Variants in CLIP3 observed in about 807,000 individuals in gnomAD.
The protein encoded by CLIP3 is CAP-Gly domain-containing linker protein 3.
Under a neutral mutation model 59.4 loss-of-function variants are expected in CLIP3, and 15 were observed. The ratio of observed to expected loss-of-function variants is 0.25; its 90% CI spans 0.17 to 0.39. The LOEUF (loss-of-function observed/expected upper bound fraction) is 0.39. Among genes scored for constraint, CLIP3 ranks in the 10% least tolerant of loss-of-function variants. The pLI is 1.00. For synonymous variants in CLIP3, 300 were observed against 321.6 expected (o/e 0.93, Z 0.72); for missense variants, 495 against 765.7 (o/e 0.65, Z 4.17).
At position 36,016,473 on chromosome 19, in the gene CLIP3, G is replaced by A. The variant is rs188370835; in HGVS notation, c.1590-261C>T. ...AGCAATTCTCCTGTCTCAGCCTCCC[G>A]AGTAGCTGGGACTACAGGTGTATGC... On this transcript the variant is annotated intron_variant, in intron 13 of 13. Transcript: ENST00000360535. The surrounding 1 kb of genome is among the most constrained non-coding windows in gnomAD (Gnocchi z 4.1). Among the ~76,000 whole-genome samples, 179 of 152,262 alleles carry A rather than the reference G, an allele frequency of 1.2e-3. 1 individual carries two copies. Among genetic ancestry groups the A allele is most frequent in the Middle Eastern group, 6.8e-3 (2 of 294 alleles).
At chr19:36,019,854 C>T (rs1014299214) in intron 7 of CLIP3, among the ~76,000 whole-genome samples, 1 of 151,746 alleles carries the variant, frequency 6.6e-6, no homozygotes, top group African/African-American at 2.4e-5. Flanking sequence ...CCACCCGCCT[C>T]GGCCTCCCAA....
intron 8 of CLIP3, 41 bp from the exon 9 acceptor site, chr19:36,019,067 T>C: frequency 6.3e-7 from 1 of 1,587,538 alleles, no homozygotes; most frequent in Non-Finnish European, 8.6e-7. Flanking sequence ...TCCAAGCCTC[T>C]GCCCTCGGCC....
intron 7 of CLIP3, among the ~76,000 whole-genome samples, chr19:36,023,657 C>T (rs560009343): frequency 2.0e-5 from 3 of 152,068 alleles, no homozygotes; most frequent in South Asian, 2.1e-4. Context: ...CCTCCCACCT[C>T]GGCCTCCCAA....
In CLIP3 at chr19:36,015,919, A is replaced by C; in HGVS notation, c.*239T>G. On this transcript the variant is annotated 3_prime_UTR_variant, in exon 14 of 14. Coordinates refer to ENST00000360535, the MANE Select transcript of CLIP3 (RefSeq NM_015526.3). ...GAATCTGCTCTGAGGGGTTGGGGAT[A>C]GGGACTAGCCTGAAGGTGCTACTCA... 2 of 576,686 alleles carry C rather than the reference A, an allele frequency of 3.5e-6. No homozygotes were observed. Among genetic ancestry groups the C allele is most frequent in the Non-Finnish European group, 6.2e-6 (2 of 320,836 alleles). 35.7% of individuals were successfully genotyped at this position (576,686 alleles called of 1,614,324 possible).
rs183209495 is a variant in CLIP3 at position 36,015,983 on chromosome 19, G to A, written c.*175C>T. On this transcript the variant is annotated 3_prime_UTR_variant, in exon 14 of 14. Coordinates refer to ENST00000360535, the MANE Select transcript of CLIP3 (RefSeq NM_015526.3). ...TGGGTGACATGGGGTCTGTATTTGG[G>A]GGTTATTATGGGAGTATCTGTTAAT... 5.3e-4 allele frequency: 355 copies of A among 674,436 alleles called. No homozygotes were observed. Among genetic ancestry groups the A allele is most frequent in the Non-Finnish European group, 7.4e-4 (278 of 375,014 alleles). 41.8% of individuals were successfully genotyped at this position (674,436 alleles called of 1,614,324 possible).
rs776116386 is a variant in CLIP3, at chr19:36,027,132, C to T, written c.306G>A (p.Glu102=). 3 of 1,606,110 alleles carry T rather than the reference C, an allele frequency of 1.9e-6. No homozygotes were observed. The highest frequency in any genetic ancestry group is 2.5e-6 in the Non-Finnish European group (3 of 1,176,688). Reference sequence around the variant, plus strand: ...CCCCTGGTTTCCCCAGTGTTCTCACCTCATTGCCGATGACGTCTATCTTGT... The same window carrying T: ...CCCCTGGTTTCCCCAGTGTTCTCACTTCATTGCCGATGACGTCTATCTTGT... ...VQHKIDVIGN[E]ILRRGCHVND... The change falls in exon 3 of 14, where the codon GAG becomes GAA. Residue 102 remains glutamate, a splice_region_variant and synonymous_variant. Coordinates refer to ENST00000360535, the MANE Select transcript of CLIP3 (RefSeq NM_015526.3).
At position 36,014,912 on chromosome 19, in the gene CLIP3, C is replaced by T. The variant is rs1968750110; in HGVS notation, c.*1246G>A. 6.6e-6 allele frequency: 1 copy of T among 152,296 alleles called. No individual in the cohort carries two copies. Among genetic ancestry groups the T allele is most frequent in the Admixed American group, 6.5e-5 (1 of 15,280 alleles). The allele number at this position is 152,296 out of a possible 1,614,324, so 9.4% of individuals were successfully genotyped here. A position where few individuals can be genotyped will look rare whatever the true frequency, so the allele number is the denominator to read the frequency against. ...ATCCCCTCAGGGCCTTGGGGCCTTC[C>T]ATTTATTAGAGATGGAGGCTTTAGG... On this transcript the variant is annotated 3_prime_UTR_variant, in exon 14 of 14. Coordinates refer to ENST00000360535, the MANE Select transcript of CLIP3 (RefSeq NM_015526.3).
At chr19:36,021,242 A>G (rs1256762360) in intron 7 of CLIP3, among the ~76,000 whole-genome samples, 1 of 151,996 alleles carries the variant, frequency 6.6e-6, no homozygotes, top group African/African-American at 2.4e-5. Flanking sequence ...TTTCATCTGT[A>G]AAATAGAGAT....
Position 36,019,873 on chromosome 19 carries a change from G to C in CLIP3, c.919-567C>G, listed in dbSNP as rs551062604. ...CCGCCTCGGCCTCCCAAAGTGCTGGGATCACAGGCATGAGCCACCATGCCT... is the reference window on the plus strand; with the variant it reads ...CCGCCTCGGCCTCCCAAAGTGCTGGCATCACAGGCATGAGCCACCATGCCT... On this transcript the variant is annotated intron_variant, in intron 7 of 13. Coordinates refer to ENST00000360535, the MANE Select transcript of CLIP3 (RefSeq NM_015526.3). Among the ~76,000 whole-genome samples the C allele has an allele frequency of 2.2e-4, 33 of 151,878 alleles. No homozygotes were observed. The East Asian group carries it at 6.4e-3, about 29-fold the overall frequency.
rs1968794551 is a variant in CLIP3 at position 36,016,225 on chromosome 19, A to AT, written c.1590-14dup. 1.9e-6 allele frequency: 3 copies of AT among 1,614,038 alleles called. No homozygotes were observed. Among genetic ancestry groups the AT allele is most frequent in the Non-Finnish European group, 2.5e-6 (3 of 1,179,954 alleles). ...GCAGAACAGCAACCTGGAAAGGAGG[A>AT]TGACAGGGTCACGCCCTTAGGCAGG... On this transcript the variant is annotated splice_polypyrimidine_tract_variant and intron_variant, in intron 13 of 13. Coordinates refer to ENST00000360535, the MANE Select transcript of CLIP3 (RefSeq NM_015526.3). This position sits in a 1 kb window ranked among gnomAD's most constrained non-coding sequence, Gnocchi z 4.1.
In CLIP3 at chr19:36,025,540, G is replaced by A. The variant is rs376570398; in HGVS notation, c.681+607C>T. Among the ~76,000 whole-genome samples the A allele has an allele frequency of 1.1e-4, 16 of 147,966 alleles. No individual in the cohort carries two copies. In the South Asian group the frequency reaches 1.7e-3, roughly 16 times the overall value. ...TGGTAGGCAGAGGTTGCAGTGAGCC[G>A]AGATTGCACCACTGCACTCCAGCCT... On this transcript the variant is annotated intron_variant, in intron 6 of 13. Transcript: ENST00000360535.
chr19:36,024,305 A>G (rs1281401838), intron 7 of CLIP3, 91 bp downstream of exon 7: 2 of 1,059,242 alleles, frequency 1.9e-6, no homozygotes, highest in Non-Finnish European at 2.8e-6. Context: ...AAGGGCAGGG[A>G]CTGCACTCTG....
rs972771544 is a variant in CLIP3, at chr19:36,032,093, C to T, written c.166+99G>A. ...GATTCCTCTGGACCACCTTCAAATT[C>T]CCCAGAATTCTCCCACCATCACCAC... On this transcript the variant is annotated intron_variant, in intron 2 of 13. Transcript: ENST00000360535. This position sits in a 1 kb window ranked among gnomAD's most constrained non-coding sequence, Gnocchi z 4.3. 7 of 622,606 alleles carry T rather than the reference C, an allele frequency of 1.1e-5. No homozygotes were observed. Among genetic ancestry groups the T allele is most frequent in the Non-Finnish European group, 1.7e-5 (7 of 417,608 alleles). 38.6% of individuals were successfully genotyped at this position (622,606 alleles called of 1,614,324 possible).
At chr19:36,021,952 C>G (rs966614197) in intron 7 of CLIP3, among the ~76,000 whole-genome samples, 4 of 152,024 alleles carry the variant, frequency 2.6e-5, no homozygotes, top group African/African-American at 9.7e-5. Flanking sequence ...GATCTTGGCT[C>G]ACTGCAAGCT....
In CLIP3 at chr19:36,032,597, C is replaced by A. The variant is rs888279683; in HGVS notation, c.-59+127G>T. On this transcript the variant is annotated intron_variant, in intron 1 of 13. Transcript: ENST00000360535. The surrounding 1 kb of genome is among the most constrained non-coding windows in gnomAD (Gnocchi z 4.3). ...GCCTGCCACCTCCCCCAGGCCCAGCCCCCCATTCTTCTCCTCCCGCGTCAG... is the reference window on the plus strand; with the variant it reads ...GCCTGCCACCTCCCCCAGGCCCAGCACCCCATTCTTCTCCTCCCGCGTCAG... 2.5e-5 allele frequency: 9 copies of A among 362,808 alleles called. No homozygotes were observed. The highest frequency in any genetic ancestry group is 3.9e-5 in the Non-Finnish European group (8 of 203,826). 22.5% of individuals were successfully genotyped at this position (362,808 alleles called of 1,614,324 possible).
At chr19:36,020,958 A>G (rs1350670653) in intron 7 of CLIP3, among the ~76,000 whole-genome samples, 1 of 152,058 alleles carries the variant, frequency 6.6e-6, no homozygotes, top group Non-Finnish European at 1.5e-5. Flanking sequence ...GGTTCAAGCA[A>G]TCTTCCCTCC....
At chr19:36,020,394 G>A (rs1400246531) in intron 7 of CLIP3, among the ~76,000 whole-genome samples, 1 of 152,156 alleles carries the variant, frequency 6.6e-6, no homozygotes, top group Non-Finnish European at 1.5e-5. Context: ...CCTGAGGTCA[G>A]GAGTTCAAGA....
intron 7 of CLIP3, among the ~76,000 whole-genome samples, chr19:36,024,152 C>G (rs1969027479): frequency 6.6e-6 from 1 of 152,242 alleles, no homozygotes; most frequent in South Asian, 2.1e-4. Flanking sequence ...GCCATGACCA[C>G]TCTCGGCCGT....
intron 2 of CLIP3, among the ~76,000 whole-genome samples, chr19:36,031,779 C>A (rs1969273373): frequency 6.6e-6 from 1 of 152,116 alleles, no homozygotes. Flanking sequence ...TTATATTTTT[C>A]TTTCTTGCAT....
Sources: allele counts gnomAD v4.1 joint callset (sites outside exome capture counted in the v4.1 genomes callset), GRCh38; gene constraint gnomAD v4.1.1; non-coding constraint Gnocchi (gnomAD v3.1); transcripts MANE v1.5; gene names NCBI Gene and HGNC (gene_info 2026-07-23, HGNC 2026-07-21).